Variants in BRWD1 observed in about 807,000 individuals in gnomAD.
The protein encoded by BRWD1 is bromodomain and WD repeat domain containing 1.
In BRWD1, 82 loss-of-function variants were observed where a neutral mutation model predicts 251.2. The observed-to-expected ratio is 0.33, with a 90% CI of 0.27 to 0.39. The LOEUF (loss-of-function observed/expected upper bound fraction) is 0.39. Among genes scored for constraint, BRWD1 ranks in the 10% least tolerant of loss-of-function variants. The probability of loss-of-function intolerance (pLI) is 1.00; values close to 1 mark genes in which losing one functional copy is unlikely to be tolerated. For missense variants in BRWD1, 2,233 were observed against 2,711.6 expected (o/e 0.82, Z 3.92); for synonymous variants, 918 against 902.8 (o/e 1.02, Z -0.30).
Position 39,197,295 on chromosome 21 carries a change from A to G in BRWD1, c.5774T>C (p.Leu1925Pro). 6.2e-7 allele frequency: 1 copy of G among 1,614,078 alleles called. No homozygotes were observed. Among genetic ancestry groups the G allele is most frequent in the Non-Finnish European group, 8.5e-7 (1 of 1,179,944 alleles). ...KKSSKARTGL[L>P]RITRRCAATA... is the part of the protein sequence containing the mutation. ...AGCTGCACATCTTCGAGTAATCCTC[A>G]GGAGACCTGTTCTGGCTTTTGATGA... The change falls in exon 41 of 41, where the codon CTG (leucine) becomes CCG (proline). Residue 1925 changes from leucine to proline, a missense_variant. Physicochemically the swap from Leu to Pro is moderately conservative, Grantham distance 98. Around this residue, in one of 12 missense-constraint regions of BRWD1, gnomAD observed 928 missense variants for 970.0 expected, o/e 0.96. Transcript: ENST00000342449.
chr21:39,267,391 C>A (rs983611644), intron 15 of BRWD1, among the ~76,000 whole-genome samples: 2 of 152,010 alleles, frequency 1.3e-5, no homozygotes, highest in African/African-American at 4.8e-5. Flanking sequence ...GTCAGGAGAT[C>A]GAGACCATCC....
At chr21:39,216,760 G>A in intron 31 of BRWD1, 1 of 391,002 alleles carries the variant, frequency 2.6e-6, no homozygotes, top group Non-Finnish European at 5.0e-6. Flanking sequence ...GAGACCACCT[G>A]TTCAGACCAT....
intron 13 of BRWD1, among the ~76,000 whole-genome samples, chr21:39,273,355 A>T (rs1427772201): frequency 6.6e-6 from 1 of 152,212 alleles, no homozygotes; most frequent in African/African-American, 2.4e-5. Context: ...AAGGGTTATC[A>T]AATTTCCAGT....
chr21:39,185,077 CA>C (rs1027864959), downstream of BRWD1: 5 of 151,982 alleles, frequency 3.3e-5, no homozygotes, highest in African/African-American at 1.2e-4. Flanking sequence ...AACAATTTTA[CA>C]ATGTTAAGTT....
chr21:39,255,708 T>C lies in BRWD1; in HGVS notation c.2192A>G (p.Glu731Gly). 6.2e-7 allele frequency: 1 copy of C among 1,614,170 alleles called. No individual in the cohort carries two copies. Among genetic ancestry groups the C allele is most frequent in the Non-Finnish European group, 8.5e-7 (1 of 1,180,024 alleles). The change falls in exon 19 of 41, where the codon GAA becomes GGA. Residue 731 changes from glutamate to glycine, a missense_variant. Physicochemically the swap from Glu to Gly is moderately conservative, Grantham distance 98. Coordinates refer to ENST00000342449, the MANE Select transcript of BRWD1 (RefSeq NM_033656.4). Reference protein sequence around the residue: ...QNAPRSQIATERDLQAWKRRV... With the variant: ...QNAPRSQIATGRDLQAWKRRV... ...TCGTTTCCAAGCCTGCAGGTCACGT[T>C]CTGTAGCAATCTGACTGCGTGGAGC...
At chr21:39,231,774 G>T (rs937548407) in intron 25 of BRWD1, among the ~76,000 whole-genome samples, 1 of 152,154 alleles carries the variant, frequency 6.6e-6, no homozygotes, top group Non-Finnish European at 1.5e-5. Flanking sequence ...GCTAAGTATT[G>T]AAAAGGAAAA....
chr21:39,219,771 G>A (rs2033099049), intron 29 of BRWD1: 7 of 152,214 alleles, frequency 4.6e-5, no homozygotes, highest in East Asian at 1.9e-4. Context: ...TTTTAGCTGA[G>A]AGATGGGAAT....
At chr21:39,214,094 G>GT (rs1411983887) in intron 32 of BRWD1, among the ~76,000 whole-genome samples, 1 of 152,004 alleles carries the variant, frequency 6.6e-6, no homozygotes, top group Non-Finnish European at 1.5e-5. Context: ...TGGGGAGGAG[G>GT]TAACTTACGT....
Position 39,188,543 on chromosome 21 carries a change from TGAA to T in BRWD1, c.*7713_*7715del, listed in dbSNP as rs2031374869. 7 of 985,364 alleles carry T rather than the reference TGAA, an allele frequency of 7.1e-6. No individual in the cohort carries two copies. The highest frequency in any genetic ancestry group is 8.4e-6 in the Non-Finnish European group (7 of 829,884). The allele number at this position is 985,364 out of a possible 1,614,324, so 61.0% of individuals were successfully genotyped here. On this transcript the variant is annotated 3_prime_UTR_variant, in exon 41 of 41. Transcript: ENST00000342449. ...CCAACCTTCTGAACTTTTTCTTCTGTGAAGATGTTTGCCCTTCTGTCACAAAGC... is the reference window on the plus strand; with the variant it reads ...CCAACCTTCTGAACTTTTTCTTCTGTGATGTTTGCCCTTCTGTCACAAAGC...
intron 32 of BRWD1, 70 bp downstream of exon 32, chr21:39,215,167 G>C (rs976346210): frequency 6.5e-6 from 10 of 1,529,396 alleles, no homozygotes; most frequent in Non-Finnish European, 9.0e-6. Flanking sequence ...CACCACGCCC[G>C]GCAAAACTAG....
chr21:39,198,004 T>C (rs1211101060), intron 40 of BRWD1, among the ~76,000 whole-genome samples: 2 of 152,122 alleles, frequency 1.3e-5, no homozygotes, highest in African/African-American at 2.4e-5. Flanking sequence ...ACTATAATAT[T>C]AACATGAATA....
rs374230917 is a variant in BRWD1, at chr21:39,197,228, A to G, written c.5841T>C (p.Asp1947=). 8.1e-6 allele frequency: 13 copies of G among 1,613,934 alleles called. No homozygotes were observed. The highest frequency in any genetic ancestry group is 1.0e-5 in the Non-Finnish European group (12 of 1,179,948). Residue 1947 remains aspartate, a synonymous_variant, in exon 41 of 41, where the codon GAT becomes GAC. Coordinates refer to ENST00000342449, the MANE Select transcript of BRWD1 (RefSeq NM_033656.4). ...NKIKLMSDVE[D]VSLENVHTRS... is the part of the protein sequence containing the mutation. The stretch of plus-strand genomic sequence containing the variant: ...TAGTGTGCACATTTTCTAAACTGAC[A>G]TCTTCTACATCACTCATGAGCTTGA...
At chr21:39,261,950 G>A (rs1476514876) in intron 17 of BRWD1, among the ~76,000 whole-genome samples, 1 of 152,046 alleles carries the variant, frequency 6.6e-6, no homozygotes, top group African/African-American at 2.4e-5. Context: ...GATATATAAA[G>A]ACACAGATCA....
chr21:39,292,371 T>G (rs751286870), intron 8 of BRWD1, among the ~76,000 whole-genome samples: 1 of 152,220 alleles, frequency 6.6e-6, no homozygotes, highest in Admixed American at 6.5e-5. Flanking sequence ...AGTAACATTT[T>G]CTGTCCCTAA....
chr21:39,210,959 A>G, intron 34 of BRWD1, 30 bp from the exon 35 acceptor site: 1 of 1,601,750 alleles, frequency 6.2e-7, no homozygotes, highest in Non-Finnish European at 8.5e-7. Flanking sequence ...CTTAAGAAAA[A>G]TCACACTATT....
intron 9 of BRWD1, among the ~76,000 whole-genome samples, chr21:39,279,071 T>G (rs146843077): frequency 2.6e-3 from 396 of 152,198 alleles, no homozygotes; most frequent in African/African-American, 9.0e-3. Flanking sequence ...TATCAAATAT[T>G]TCCACAGATT....
At chr21:39,282,685 C>A (rs1401015091) in intron 8 of BRWD1, among the ~76,000 whole-genome samples, 4 of 152,132 alleles carry the variant, frequency 2.6e-5, no homozygotes, top group Non-Finnish European at 5.9e-5. Context: ...AGGCCAAGCA[C>A]AGTTGCTCAT....
Position 39,191,817 on chromosome 21 carries a change from T to TA in BRWD1, c.*4441dup. 2.0e-6 allele frequency: 2 copies of TA among 985,090 alleles called. No individual in the cohort carries two copies. Among genetic ancestry groups the TA allele is most frequent in the African/African-American group, 1.7e-5 (1 of 57,336 alleles). 61.0% of individuals were successfully genotyped at this position (985,090 alleles called of 1,614,324 possible). A position where few individuals can be genotyped will look rare whatever the true frequency, so the allele number is the denominator to read the frequency against. On this transcript the variant is annotated 3_prime_UTR_variant, in exon 41 of 41. Coordinates refer to ENST00000342449, the MANE Select transcript of BRWD1 (RefSeq NM_033656.4). ...GGACTGCCTCTTCTCTTTGGCAGTCTAAAATCTCATTTAAGGGCTTTAATA... is the reference window on the plus strand; with the variant it reads ...GGACTGCCTCTTCTCTTTGGCAGTCTAAAAATCTCATTTAAGGGCTTTAATA...
intron 39 of BRWD1, among the ~76,000 whole-genome samples, 168 bp downstream of exon 39, chr21:39,200,051 C>T (rs1352079199): frequency 6.6e-6 from 1 of 152,216 alleles, no homozygotes; most frequent in Non-Finnish European, 1.5e-5. Context: ...CCGCACCCAG[C>T]CTTTTCTTCA....
Sources: gnomAD v4.1 joint callset for allele counts (sites outside exome capture counted in the v4.1 genomes callset) on GRCh38, gnomAD v4.1.1 for gene constraint, gnomAD v4.1.1 regional missense constraint, MANE v1.5 for transcripts, NCBI Gene and HGNC (gene_info 2026-07-23, HGNC 2026-07-21) for gene names.